FRMD4A: variants seen among roughly 807,000 people sequenced by gnomAD.
FRMD4A encodes the protein FERM domain containing 4A.
A neutral mutation model predicts 129.1 loss-of-function variants in FRMD4A; 29 were observed. The observed-to-expected ratio is 0.22, with a 90% CI of 0.17 to 0.31. FRMD4A has a LOEUF of 0.31. FRMD4A is among the 10% of genes least tolerant of loss of function. FRMD4A has a pLI of 1.00. For missense variants in FRMD4A, 1,272 were observed against 1,375.8 expected, an observed-to-expected ratio of 0.92 and a Z score of 1.19; for synonymous variants, 634 against 571.6, an observed-to-expected ratio of 1.11 and a Z score of -1.56.
intron 2 of FRMD4A, among the ~76,000 whole-genome samples, chr10:14,019,722 A>G (rs903311411): frequency 2.6e-5 from 4 of 152,258 alleles, no homozygotes; most frequent in Non-Finnish European, 4.4e-5. Context: ...TCAGATGGAC[A>G]GTGATGGGGC....
chr10:13,871,826 G>T, intron 2 of FRMD4A, among the ~76,000 whole-genome samples: 1 of 152,334 alleles, frequency 6.6e-6, no homozygotes, highest in East Asian at 1.9e-4. Context: ...GCTACCTGGG[G>T]ACCCAGAGGT....
rs144850448 is a variant in FRMD4A at position 14,173,592 on chromosome 10, T to G, written c.45+156466A>C. On this transcript the variant is annotated intron_variant, in intron 2 of 24. Transcript: ENST00000357447. ...GGAGGAAGAGGAAGAGGAAAGAGGCTATTTCAAGTGGGAGCTGGGCACACT... is the reference window on the plus strand; with the variant it reads ...GGAGGAAGAGGAAGAGGAAAGAGGCGATTTCAAGTGGGAGCTGGGCACACT... Among the ~76,000 whole-genome samples the G allele has an allele frequency of 5.5e-3, 838 of 152,194 alleles. 5 individuals carry two copies. Among genetic ancestry groups the G allele is most frequent in the Non-Finnish European group, 7.7e-3 (522 of 68,002 alleles).
chr10:13,757,869 G>A (rs1488117840), intron 8 of FRMD4A, among the ~76,000 whole-genome samples: 3 of 152,038 alleles, frequency 2.0e-5, no homozygotes, highest in Admixed American at 6.5e-5. Context: ...TCAGCCTCCC[G>A]AGTATCTGGG....
chr10:14,207,569 T>C lies in FRMD4A; in HGVS notation c.45+122489A>G, dbSNP rs900540557. Among the ~76,000 whole-genome samples the C allele has an allele frequency of 6.6e-5, 10 of 152,208 alleles. No homozygotes were observed. In the South Asian group the frequency reaches 1.7e-3, roughly 25 times the overall value. On this transcript the variant is annotated intron_variant, in intron 2 of 24. Transcript: ENST00000357447. ...TCTGTAAAATGTATTAATTACATTG[T>C]CCTTCCCCTTTTAAGGTTTTCTGCA... is the stretch of plus-strand genomic sequence containing the variant.
chr10:13,942,966 T>A (rs1216453790), intron 2 of FRMD4A, among the ~76,000 whole-genome samples: 1 of 152,274 alleles, frequency 6.6e-6, no homozygotes, highest in East Asian at 1.9e-4. Flanking sequence ...CTATGTCTTT[T>A]GATTTCATTT....
At chr10:14,140,589 C>T (rs957474494) in intron 2 of FRMD4A, among the ~76,000 whole-genome samples, 1 of 152,152 alleles carries the variant, frequency 6.6e-6, no homozygotes, top group African/African-American at 2.4e-5. Context: ...AACTCTTCCC[C>T]CATTTCCTTG....
chr10:13,856,343 C>T (rs1372787215), intron 3 of FRMD4A, among the ~76,000 whole-genome samples: 1 of 151,562 alleles, frequency 6.6e-6, no homozygotes, highest in African/African-American at 2.4e-5. Context: ...TTAGGTTTGT[C>T]CATTCTTTCA....
intron 2 of FRMD4A, among the ~76,000 whole-genome samples, chr10:14,105,054 C>T (rs931982585): frequency 9.9e-5 from 15 of 152,178 alleles, no homozygotes; most frequent in African/African-American, 2.7e-4. Flanking sequence ...GATCCTTACG[C>T]GTGGAGTCTC....
chr10:14,185,668 A>T (rs996120675), intron 2 of FRMD4A, among the ~76,000 whole-genome samples: 9 of 152,084 alleles, frequency 5.9e-5, no homozygotes, highest in African/African-American at 2.2e-4. Flanking sequence ...AGCTGTGCAG[A>T]TGAGCAGAAG....
chr10:13,928,015 C>G (rs1403933539), intron 2 of FRMD4A, among the ~76,000 whole-genome samples: 1 of 101,840 alleles, frequency 9.8e-6, no homozygotes, highest in Non-Finnish European at 1.8e-5. Flanking sequence ...ACTTAACATA[C>G]CTTTTTTTTT....
rs753333519 is a variant in FRMD4A at position 13,694,046 on chromosome 10, T to C, written c.976-7A>G. 1 of 1,504,550 alleles carries C rather than the reference T, an allele frequency of 6.6e-7. No individual in the cohort carries two copies. Among genetic ancestry groups the C allele is most frequent in the East Asian group, 2.3e-5 (1 of 42,768 alleles). 93.2% of individuals were successfully genotyped at this position (1,504,550 alleles called of 1,614,324 possible). ...GTGCTGCATGGATTTTGGACTGGAA[T>C]GGAAAGGGAAGCAGGTCAAAGAAGT... On this transcript the variant is annotated splice_polypyrimidine_tract_variant and splice_region_variant and intron_variant, in intron 14 of 24. Coordinates refer to ENST00000357447, the MANE Select transcript of FRMD4A (RefSeq NM_018027.5).
intron 2 of FRMD4A, among the ~76,000 whole-genome samples, chr10:14,048,728 C>A (rs1376517672): frequency 1.3e-5 from 2 of 152,036 alleles, no homozygotes; most frequent in Non-Finnish European, 2.9e-5. Context: ...ATCGCTTGAA[C>A]CTGGGAAGCG....
chr10:14,146,962 C>T (rs1840105622), intron 2 of FRMD4A, among the ~76,000 whole-genome samples: 1 of 152,180 alleles, frequency 6.6e-6, no homozygotes, highest in African/African-American at 2.4e-5. Context: ...CTCACATTTG[C>T]AATTTTCTAT....
chr10:14,243,799 A>G (rs920725722), intron 2 of FRMD4A, among the ~76,000 whole-genome samples: 1 of 150,556 alleles, frequency 6.6e-6, no homozygotes, highest in Non-Finnish European at 1.5e-5. Context: ...AATGGTTCAA[A>G]TGACACTTTG....
chr10:13,873,062 G>T (rs1380672404), intron 2 of FRMD4A, among the ~76,000 whole-genome samples: 1 of 151,848 alleles, frequency 6.6e-6, no homozygotes. Flanking sequence ...TATAGTCCTA[G>T]CTACTTGGGA....
At chr10:13,720,021 G>A (rs185780063) in intron 12 of FRMD4A, among the ~76,000 whole-genome samples, 3 of 152,042 alleles carry the variant, frequency 2.0e-5, no homozygotes, top group Admixed American at 1.3e-4. Flanking sequence ...TGCTCTCTAC[G>A]TGGAGCTCTC....
intron 2 of FRMD4A, among the ~76,000 whole-genome samples, chr10:14,176,757 C>T (rs980862141): frequency 2.6e-5 from 4 of 152,158 alleles, no homozygotes; most frequent in Non-Finnish European, 4.4e-5. Context: ...CAGGCATGAG[C>T]CACTGCACCC....
intron 3 of FRMD4A, among the ~76,000 whole-genome samples, chr10:13,838,783 G>A (rs55739977): frequency 0.27 from 41,465 of 151,768 alleles, 5,772 homozygotes; most frequent in Non-Finnish European, 0.29. Flanking sequence ...GTGAGCCACC[G>A]CGCCTGCCTA....
At chr10:13,938,887 G>A (rs2095269407) in intron 2 of FRMD4A, among the ~76,000 whole-genome samples, 1 of 151,892 alleles carries the variant, frequency 6.6e-6, no homozygotes, top group African/African-American at 2.4e-5. Context: ...AATGTCAATA[G>A]TACCAAGTAC....
Sources: allele counts gnomAD v4.1 joint callset (sites outside exome capture counted in the v4.1 genomes callset), GRCh38; gene constraint gnomAD v4.1.1; transcripts MANE v1.5; gene names NCBI Gene and HGNC (gene_info 2026-07-23, HGNC 2026-07-21).